Variants in NIPBL observed in about 807,000 individuals in gnomAD.
NIPBL encodes the protein NIPBL cohesin loading factor, also known as nipped-B-like protein.
In NIPBL, 19 loss-of-function variants were observed where a neutral mutation model predicts 321.8. The ratio of observed to expected loss-of-function variants is 0.06; its 90% CI spans 0.04 to 0.09. The LOEUF (loss-of-function observed/expected upper bound fraction) is 0.09, where lower values mean the gene tolerates loss of function less well. Among genes scored for constraint, NIPBL ranks in the 10% least tolerant of loss-of-function variants. The pLI is 1.00. For missense variants in NIPBL, 2,210 were observed against 3,327.0 expected (o/e 0.66, Z 8.26); for synonymous variants, 1,106 against 1,114.1 (o/e 0.99, Z 0.14).
chr5:37,047,872 T>C (rs963852074), intron 38 of NIPBL, among the ~76,000 whole-genome samples: 1 of 152,226 alleles, frequency 6.6e-6, no homozygotes, highest in South Asian at 2.1e-4. Context: ...TTGCTACTTA[T>C]TAACCCGTGG....
At chr5:37,002,822 T>G in intron 15 of NIPBL, 57 bp downstream of exon 15, 1 of 1,051,806 alleles carries the variant, frequency 9.5e-7, no homozygotes, top group South Asian at 1.4e-5. Context: ...TGAAATTAAT[T>G]TAAGGTTTTC....
intron 6 of NIPBL, among the ~76,000 whole-genome samples, chr5:36,969,633 T>C (rs1366463039): frequency 3.3e-5 from 5 of 152,148 alleles, no homozygotes; most frequent in African/African-American, 1.2e-4. Context: ...AAACCAAAAC[T>C]GTAAGGCTTT....
rs1378469818 is a variant in NIPBL, at chr5:36,876,865, C to A, written c.-393C>A. 5.7e-4 allele frequency: 208 copies of A among 366,344 alleles called. 2 individuals are homozygous for A. The highest frequency in any genetic ancestry group is 4.2e-3 in the African/African-American group (191 of 45,980). The allele number at this position is 366,344 out of a possible 1,614,324, so 22.7% of individuals were successfully genotyped here. On this transcript the variant is annotated 5_prime_UTR_variant, in exon 1 of 47. Transcript: ENST00000282516. Reference sequence around the variant, plus strand: ...CCCTCCCTCCGTCGGTACCGACTCACCCGACACCACCAAGCCGCAGGGAGG... The same window carrying A: ...CCCTCCCTCCGTCGGTACCGACTCAACCGACACCACCAAGCCGCAGGGAGG...
chr5:36,955,245 A>AG (rs1740810561), intron 2 of NIPBL, among the ~76,000 whole-genome samples: 1 of 152,216 alleles, frequency 6.6e-6, no homozygotes, highest in South Asian at 2.1e-4. Flanking sequence ...GATGAATATA[A>AG]GGGAGCTGAA....
At chr5:36,914,618 A>G (rs1261670293) in intron 1 of NIPBL, among the ~76,000 whole-genome samples, 1 of 152,224 alleles carries the variant, frequency 6.6e-6, no homozygotes, top group Non-Finnish European at 1.5e-5. Context: ...TCCCATCTAC[A>G]AGATATCTCA....
intron 1 of NIPBL, among the ~76,000 whole-genome samples, chr5:36,896,723 C>G (rs773688832): frequency 6.6e-6 from 1 of 152,032 alleles, no homozygotes; most frequent in Non-Finnish European, 1.5e-5. Flanking sequence ...CCTTAGCCTC[C>G]GAGTAGCTGG....
intron 10 of NIPBL, among the ~76,000 whole-genome samples, chr5:36,987,447 A>AT (rs1249341762): frequency 6.6e-6 from 1 of 152,192 alleles, no homozygotes; most frequent in East Asian, 1.9e-4. Flanking sequence ...TTGCATCATC[A>AT]CAAAGTTGTA....
At position 37,008,738 on chromosome 5, in the gene NIPBL, C is replaced by T; in HGVS notation, c.4421+15C>T. ...AGGAACTTCAGGTAATTAATTATAA[C>T]AGAGGTCAAGTTTAATGAAGAACCA... On this transcript the variant is annotated intron_variant, in intron 20 of 46. Coordinates refer to ENST00000282516, the MANE Select transcript of NIPBL (RefSeq NM_133433.4). 1 of 1,306,030 alleles carries T rather than the reference C, an allele frequency of 7.7e-7. No homozygotes were observed. The highest frequency in any genetic ancestry group is 1.2e-5 in the South Asian group (1 of 84,820). 80.9% of individuals were successfully genotyped at this position (1,306,030 alleles called of 1,614,324 possible).
chr5:37,063,392 G>A (rs967968262), intron 45 of NIPBL, among the ~76,000 whole-genome samples: 2 of 152,174 alleles, frequency 1.3e-5, no homozygotes, highest in African/African-American at 2.4e-5. Context: ...GCAAAGAGGG[G>A]AGATAACTAG....
chr5:37,026,179 A>G, intron 30 of NIPBL, 50 bp from the exon 31 acceptor site: 1 of 1,073,118 alleles, frequency 9.3e-7, no homozygotes, highest in Non-Finnish European at 1.4e-6. Context: ...GAATTGTGAA[A>G]TTGCCGTATT....
chr5:37,013,927 T>C (rs541056320), intron 21 of NIPBL, among the ~76,000 whole-genome samples: 2 of 152,332 alleles, frequency 1.3e-5, no homozygotes, highest in African/African-American at 4.8e-5. Flanking sequence ...CATTGAGCAC[T>C]GAGTGAACGA....
chr5:36,907,417 A>G (rs1219603572), intron 1 of NIPBL, among the ~76,000 whole-genome samples: 1 of 152,180 alleles, frequency 6.6e-6, no homozygotes, highest in Non-Finnish European at 1.5e-5. Context: ...AAGAAGAAAA[A>G]TAAAAGTTAC....
intron 22 of NIPBL, among the ~76,000 whole-genome samples, chr5:37,015,354 C>A (rs1173019191): frequency 1.3e-5 from 2 of 152,108 alleles, no homozygotes; most frequent in Admixed American, 1.3e-4. Flanking sequence ...GAACTCCCAA[C>A]CTCCGGTGAT....
At chr5:36,946,082 A>G (rs1399379592) in intron 1 of NIPBL, among the ~76,000 whole-genome samples, 1 of 152,070 alleles carries the variant, frequency 6.6e-6, no homozygotes, top group African/African-American at 2.4e-5. Context: ...ACTAGTTTAA[A>G]CTTTTTAAAA....
intron 29 of NIPBL, among the ~76,000 whole-genome samples, chr5:37,023,920 C>T (rs548321981): frequency 2.6e-5 from 4 of 151,898 alleles, no homozygotes; most frequent in Non-Finnish European, 5.9e-5. Context: ...AATTGCAGCA[C>T]TTTGGGAGGC....
intron 37 of NIPBL, 80 bp downstream of exon 37, chr5:37,045,677 G>A (rs1276462761): frequency 1.4e-6 from 2 of 1,408,238 alleles, no homozygotes; most frequent in East Asian, 4.6e-5. Flanking sequence ...TAGTGACCCA[G>A]GATGAAGGCA....
chr5:36,924,406 A>G (rs1749194928), intron 1 of NIPBL, among the ~76,000 whole-genome samples: 2 of 152,308 alleles, frequency 1.3e-5, no homozygotes, highest in African/African-American at 4.8e-5. Context: ...GTAGTGGTTA[A>G]GAACATAGGC....
Position 37,047,254 on chromosome 5 carries a change from A to G in NIPBL, c.6589+1055A>G, listed in dbSNP as rs111470715. Reference sequence around the variant, plus strand: ...AATGACTGTACACGTAAAGCTACCCAATGAGATTAAAAACTTATTTGGAAA... The same window carrying G: ...AATGACTGTACACGTAAAGCTACCCGATGAGATTAAAAACTTATTTGGAAA... On this transcript the variant is annotated intron_variant, in intron 38 of 46. Transcript: ENST00000282516. Among the ~76,000 whole-genome samples, 21 of 152,284 alleles carry G rather than the reference A, an allele frequency of 1.4e-4. 1 individual carries two copies. The highest frequency in any genetic ancestry group is 5.1e-4 in the African/African-American group (21 of 41,564).
chr5:36,995,346 G>A, intron 10 of NIPBL: 1 of 272,938 alleles, frequency 3.7e-6, no homozygotes, highest in South Asian at 6.3e-5. Context: ...GCAAATTGAA[G>A]GCATTATATC....
Sources: gnomAD v4.1 joint callset for allele counts (sites outside exome capture counted in the v4.1 genomes callset) on GRCh38, gnomAD v4.1.1 for gene constraint, MANE v1.5 for transcripts, NCBI Gene and HGNC (gene_info 2026-07-23, HGNC 2026-07-21) for gene names.